The following SYT16 variants were observed in gnomAD, a reference collection of about 807,000 sequenced individuals.
The protein encoded by SYT16 is synaptotagmin 16, also known as synaptotagmin-16.
A neutral mutation model predicts 61.4 loss-of-function variants in SYT16; 42 were observed. The ratio of observed to expected loss-of-function variants is 0.68; its 90% confidence interval spans 0.53 to 0.89. The LOEUF is 0.89. SYT16 is among the 40% of genes least tolerant of loss of function. SYT16 has a pLI of 0.00. For missense variants in SYT16, 804 were observed against 807.3 expected, an observed-to-expected ratio of 1.00 and a Z score of 0.05; for synonymous variants, 314 against 302.3, an observed-to-expected ratio of 1.04 and a Z score of -0.40.
At chr14:61,941,478 G>A (rs1469383113) in intron 1 of SYT16, among the ~76,000 whole-genome samples, 1 of 152,094 alleles carries the variant, frequency 6.6e-6, no homozygotes, top group South Asian at 2.1e-4. Flanking sequence ...CCTGAAATCT[G>A]GGACTCTTCT....
chr14:62,073,778 T>C (rs2056384635), intron 4 of SYT16, among the ~76,000 whole-genome samples: 2 of 152,200 alleles, frequency 1.3e-5, no homozygotes, highest in South Asian at 4.1e-4. Context: ...TCACCACCAC[T>C]CATATTGCTG....
chr14:62,018,166 C>T (rs1327217948), intron 3 of SYT16, among the ~76,000 whole-genome samples: 1 of 152,108 alleles, frequency 6.6e-6, no homozygotes, highest in Non-Finnish European at 1.5e-5. Flanking sequence ...AAAGCCAGAG[C>T]CCCTGTAGTG....
intron 1 of SYT16, among the ~76,000 whole-genome samples, chr14:61,814,124 C>T (rs1225012437): frequency 6.6e-6 from 1 of 152,122 alleles, no homozygotes; most frequent in Non-Finnish European, 1.5e-5. Context: ...TGCTGTTTTG[C>T]CATCATCTGA....
intron 1 of SYT16, among the ~76,000 whole-genome samples, chr14:61,961,064 T>C (rs922718137): frequency 1.3e-5 from 2 of 152,100 alleles, no homozygotes; most frequent in Non-Finnish European, 2.9e-5. Context: ...TGGCTAGCCA[T>C]GTGCAGGAAA....
At chr14:61,853,513 A>C (rs1044391958) in intron 1 of SYT16, among the ~76,000 whole-genome samples, 1 of 152,158 alleles carries the variant, frequency 6.6e-6, no homozygotes, top group African/African-American at 2.4e-5. Flanking sequence ...GGCCTTCATA[A>C]AATAGGGCTA....
chr14:61,862,946 G>A (rs1390396298), intron 1 of SYT16, among the ~76,000 whole-genome samples: 2 of 152,172 alleles, frequency 1.3e-5, no homozygotes, highest in African/African-American at 4.8e-5. Flanking sequence ...GTCATGGGTT[G>A]ATAGCTTATT....
chr14:62,089,972 C>T (rs1009560751), intron 7 of SYT16, among the ~76,000 whole-genome samples: 5 of 152,222 alleles, frequency 3.3e-5, no homozygotes, highest in African/African-American at 1.2e-4. Flanking sequence ...CAGCTCTATT[C>T]TGTTCTTATC....
chr14:61,985,095 A>G (rs2052246002), intron 2 of SYT16, among the ~76,000 whole-genome samples: 1 of 152,144 alleles, frequency 6.6e-6, no homozygotes, highest in African/African-American at 2.4e-5. Flanking sequence ...AGCATTGAGA[A>G]TGTCATATTA....
rs2141039014 is a variant in SYT16 at position 62,108,622 on chromosome 14, A to T, written c.*7915A>T. 6.6e-6 allele frequency: 1 copy of T among 152,334 alleles called. No homozygotes were observed. The highest frequency in any genetic ancestry group is 1.5e-5 in the Non-Finnish European group (1 of 68,020). The allele number at this position is 152,334 out of a possible 1,614,324, so 9.4% of individuals were successfully genotyped here. ...TATTAATTCACAACTCTACCAAATT[A>T]TAATACAGTCTTTTATTATGCCACC... On this transcript the variant is annotated 3_prime_UTR_variant, in exon 8 of 8. Coordinates refer to ENST00000683842, the MANE Select transcript of SYT16 (RefSeq NM_001367656.1).
chr14:62,041,636 G>C (rs535275072), intron 3 of SYT16, among the ~76,000 whole-genome samples: 1 of 152,170 alleles, frequency 6.6e-6, no homozygotes, highest in African/African-American at 2.4e-5. Context: ...CTCCTGAGTA[G>C]CTGGGTCTAC....
chr14:62,048,881 G>A (rs118031094), intron 3 of SYT16, among the ~76,000 whole-genome samples: 9,019 of 152,216 alleles, frequency 0.059, 323 homozygotes, highest in Middle Eastern at 0.15. Flanking sequence ...TTGCTGAGGA[G>A]TACTTTACTT....
At chr14:62,045,698 C>T (rs373967361) in intron 3 of SYT16, among the ~76,000 whole-genome samples, 13 of 152,040 alleles carry the variant, frequency 8.6e-5, no homozygotes, top group East Asian at 1.9e-4. Context: ...TGAGAACATG[C>T]GGTGTTTGGT....
chr14:61,886,986 G>A (rs774501951), intron 1 of SYT16, among the ~76,000 whole-genome samples: 26 of 141,544 alleles, frequency 1.8e-4, no homozygotes, highest in East Asian at 9.1e-4. Flanking sequence ...CTATCCTCCC[G>A]CCTCTTGCCT....
intron 1 of SYT16, among the ~76,000 whole-genome samples, chr14:61,955,036 C>T (rs1049578215): frequency 2.0e-5 from 3 of 152,012 alleles, no homozygotes; most frequent in Non-Finnish European, 4.4e-5. Context: ...TCAAGGTTCA[C>T]CCATAATGTA....
intron 3 of SYT16, among the ~76,000 whole-genome samples, chr14:62,031,666 G>C (rs963498375): frequency 6.6e-6 from 1 of 152,170 alleles, no homozygotes; most frequent in African/African-American, 2.4e-5. Flanking sequence ...CACATGATTA[G>C]GTGGTGACAG....
At chr14:61,858,076 C>G (rs1445443865) in intron 1 of SYT16, among the ~76,000 whole-genome samples, 1 of 116,256 alleles carries the variant, frequency 8.6e-6, no homozygotes, top group Non-Finnish European at 1.6e-5. Context: ...TAAGCATGTA[C>G]TATTGTGTTC....
At chr14:61,953,063 G>C (rs2050735068) in intron 1 of SYT16, among the ~76,000 whole-genome samples, 1 of 152,074 alleles carries the variant, frequency 6.6e-6, no homozygotes, top group Admixed American at 6.5e-5. Context: ...TCTTCTTTTA[G>C]TTCTAGAAGC....
intron 2 of SYT16, among the ~76,000 whole-genome samples, chr14:61,988,889 T>C (rs1490045085): frequency 1.3e-5 from 2 of 152,138 alleles, no homozygotes; most frequent in Non-Finnish European, 2.9e-5. Context: ...GCATTTTTTT[T>C]TTAAAGATTT....
chr14:62,029,911 CA>C (rs1337371310), intron 3 of SYT16, among the ~76,000 whole-genome samples: 1 of 152,116 alleles, frequency 6.6e-6, no homozygotes, highest in Non-Finnish European at 1.5e-5. Flanking sequence ...TTTTCTGAAT[CA>C]TTTTTGCCAA....
Sources: gnomAD v4.1 joint callset for allele counts (sites outside exome capture counted in the v4.1 genomes callset) on GRCh38, gnomAD v4.1.1 for gene constraint, MANE v1.5 for transcripts, NCBI Gene and HGNC (gene_info 2026-07-23, HGNC 2026-07-21) for gene names.